RRN3: variants seen among roughly 807,000 people sequenced by gnomAD.
RRN3 encodes RNA polymerase I-specific transcription initiation factor RRN3.
Under a neutral mutation model 82.3 loss-of-function variants are expected in RRN3, and 38 were observed. That is an observed-to-expected ratio of 0.46 (90% CI 0.36 to 0.61). The LOEUF (loss-of-function observed/expected upper bound fraction) is 0.61. RRN3 is among the 20% of genes least tolerant of loss of function. RRN3 has a pLI of 0.00. For missense variants in RRN3, 726 were observed against 793.1 expected (o/e 0.92, Z 1.02); for synonymous variants, 284 against 284.3 (o/e 1.00, Z 0.01).
At chr16:15,088,820 G>A (rs1382952405) in intron 3 of RRN3, among the ~76,000 whole-genome samples, 3 of 152,094 alleles carry the variant, frequency 2.0e-5, no homozygotes, top group East Asian at 3.9e-4. Context: ...GACCATGGGG[G>A]GCCTTGTAAA....
At chr16:15,068,670 G>A (rs999766340) in intron 14 of RRN3, among the ~76,000 whole-genome samples, 5 of 152,228 alleles carry the variant, frequency 3.3e-5, no homozygotes, top group African/African-American at 1.2e-4. Flanking sequence ...ATTCTAGCTT[G>A]CATGTCTTGT....
intron 16 of RRN3, among the ~76,000 whole-genome samples, chr16:15,064,861 G>A (rs1260365400): frequency 2.0e-5 from 3 of 152,174 alleles, no homozygotes; most frequent in African/African-American, 4.8e-5. Context: ...AAGCAAACAT[G>A]TATCACGTTT....
At chr16:15,062,407 A>G (rs1345591623) in intron 17 of RRN3, among the ~76,000 whole-genome samples, 1 of 152,186 alleles carries the variant, frequency 6.6e-6, no homozygotes, top group African/African-American at 2.4e-5. Flanking sequence ...GGGCTTTCCA[A>G]TGATTACTTA....
At chr16:15,077,565 G>C (rs2045513924) in intron 9 of RRN3, among the ~76,000 whole-genome samples, 1 of 152,156 alleles carries the variant, frequency 6.6e-6, no homozygotes, top group African/African-American at 2.4e-5. Context: ...TTTTTGGCCA[G>C]GTGCAGTGGC....
chr16:15,093,345 T>C (rs1490609056), intron 1 of RRN3, among the ~76,000 whole-genome samples: 3 of 152,190 alleles, frequency 2.0e-5, no homozygotes, highest in African/African-American at 7.2e-5. Flanking sequence ...AAATGACAGA[T>C]GTCTTCCCAA....
At chr16:15,064,948 C>T (rs1222780921) in intron 16 of RRN3, among the ~76,000 whole-genome samples, 17 of 152,034 alleles carry the variant, frequency 1.1e-4, no homozygotes, top group African/African-American at 2.7e-4. Flanking sequence ...GGGCGGATCA[C>T]GAGGTCAGGA....
intron 2 of RRN3, among the ~76,000 whole-genome samples, chr16:15,091,673 C>G (rs1048523027): frequency 2.0e-5 from 3 of 152,160 alleles, no homozygotes; most frequent in African/African-American, 7.2e-5. Flanking sequence ...AAACAGCCAG[C>G]TATAATGATC....
At chr16:15,068,734 T>C (rs1476211824) in intron 14 of RRN3, among the ~76,000 whole-genome samples, 2 of 152,210 alleles carry the variant, frequency 1.3e-5, no homozygotes. Flanking sequence ...TAGTTTTTTT[T>C]CTAAACAAGA....
At chr16:15,093,150 A>C (rs566019092) in intron 1 of RRN3, among the ~76,000 whole-genome samples, 1 of 152,126 alleles carries the variant, frequency 6.6e-6, no homozygotes, top group Non-Finnish European at 1.5e-5. Context: ...GATTACAGGC[A>C]CCTGCCACCA....
chr16:15,063,144 C>G, intron 17 of RRN3, 52 bp downstream of exon 17: 1 of 1,328,228 alleles, frequency 7.5e-7, no homozygotes, highest in Non-Finnish European at 1.1e-6. Context: ...TCACTGTGAC[C>G]TGGAACCAGA....
rs2045920589 is a variant in RRN3, at chr16:15,086,472, G to A, written c.253-18C>T. Reference sequence around the variant, plus strand: ...TGGTCATCCTTAAGTTAAACAAAGAGTACTTTCAAAATCACAAATCCTCTA... The same window carrying A: ...TGGTCATCCTTAAGTTAAACAAAGAATACTTTCAAAATCACAAATCCTCTA... On this transcript the variant is annotated intron_variant, in intron 3 of 17. Transcript: ENST00000198767. 1.2e-6 allele frequency: 2 copies of A among 1,609,314 alleles called. No homozygotes were observed. The highest frequency in any genetic ancestry group is 2.7e-5 in the African/African-American group (2 of 74,578).
At position 15,061,041 on chromosome 16, in the gene RRN3, T is replaced by C. The variant is rs3751877; in HGVS notation, c.*703A>G. The C allele has an allele frequency of 0.1, 15,729 of 152,276 alleles. 1,090 individuals are homozygous for C. Among genetic ancestry groups the C allele is most frequent in the Admixed American group, 0.21 (3,195 of 15,294 alleles). The allele number at this position is 152,276 out of a possible 1,614,324, so 9.4% of individuals were successfully genotyped here. A position where few individuals can be genotyped will look rare whatever the true frequency, so the allele number is the denominator to read the frequency against. On this transcript the variant is annotated 3_prime_UTR_variant, in exon 18 of 18. Coordinates refer to ENST00000198767, the MANE Select transcript of RRN3 (RefSeq NM_018427.5). Reference sequence around the variant, plus strand: ...CATTTTTGTCTTTTAAATCCATTTTTTCGCTGTGCCAAGTATATTACACAT... The same window carrying C: ...CATTTTTGTCTTTTAAATCCATTTTCTCGCTGTGCCAAGTATATTACACAT...
chr16:15,062,835 T>C (rs1397692137), intron 17 of RRN3, among the ~76,000 whole-genome samples: 3 of 152,216 alleles, frequency 2.0e-5, no homozygotes, highest in African/African-American at 7.2e-5. Context: ...TGGAATTTTA[T>C]AAAGGCAGAA....
At chr16:15,074,110 T>C (rs1167009301) in intron 11 of RRN3, among the ~76,000 whole-genome samples, 1 of 152,208 alleles carries the variant, frequency 6.6e-6, no homozygotes, top group African/African-American at 2.4e-5. Context: ...GCCATTTAAA[T>C]TGTTTTTATC....
In RRN3 at chr16:15,084,142, G is replaced by C. The variant is rs2045819188; in HGVS notation, c.596+500C>G. On this transcript the variant is annotated intron_variant, in intron 7 of 17. Coordinates refer to ENST00000198767, the MANE Select transcript of RRN3 (RefSeq NM_018427.5). ...GCTTCTCTCCCACAGAAACATAACA[G>C]CACTTTTGCTGACATTTCCCACTAC... 2.0e-5 allele frequency among the ~76,000 whole-genome samples: 3 copies of C among 152,164 alleles called. No individual in the cohort carries two copies. The South Asian group carries it at 6.2e-4, about 32-fold the overall frequency.
At chr16:15,085,270 G>C (rs995197595) in intron 6 of RRN3, among the ~76,000 whole-genome samples, 1 of 151,964 alleles carries the variant, frequency 6.6e-6, no homozygotes, top group African/African-American at 2.4e-5. Flanking sequence ...TACATCAAAG[G>C]TTGTCATTTG....
chr16:15,070,915 C>T (rs2045196055), intron 13 of RRN3, among the ~76,000 whole-genome samples: 1 of 152,032 alleles, frequency 6.6e-6, no homozygotes, highest in Non-Finnish European at 1.5e-5. Flanking sequence ...ATGACAAAAG[C>T]CTTACATACA....
chr16:15,094,166 T>G lies in RRN3; in HGVS notation c.68A>C (p.Lys23Thr), dbSNP rs771302500. ...DAAASSSAVK[K>T]LGASRTGISN... Reference sequence around the variant, plus strand: ...TTACCCAGTCCTCGACGCGCCCAGCTTCTTAACTGCAGAGGACGAAGCGGC... The same window carrying G: ...TTACCCAGTCCTCGACGCGCCCAGCGTCTTAACTGCAGAGGACGAAGCGGC... Residue 23 changes from lysine to threonine, a missense_variant, in exon 1 of 18, where the codon AAG becomes ACG. Around this residue, in one of 4 missense-constraint regions of RRN3, gnomAD observed 135 missense variants for 87.4 expected, o/e 1.55. Coordinates refer to ENST00000198767, the MANE Select transcript of RRN3 (RefSeq NM_018427.5). 5.0e-6 allele frequency: 8 copies of G among 1,602,022 alleles called. No individual in the cohort carries two copies. In the Admixed American group the frequency reaches 1.0e-4, roughly 21 times the overall value.
In RRN3 at chr16:15,074,877, G is replaced by C; in HGVS notation, c.859-16C>G. 6.3e-7 allele frequency: 1 copy of C among 1,597,334 alleles called. No homozygotes were observed. Among genetic ancestry groups the C allele is most frequent in the Non-Finnish European group, 8.5e-7 (1 of 1,171,936 alleles). On this transcript the variant is annotated splice_polypyrimidine_tract_variant and intron_variant, in intron 10 of 17. Transcript: ENST00000198767. ...CATCTTCATCCTTTGAAGACAAAAA[G>C]TAAATACTAACATTAAAAAATTCAA...
Sources: gnomAD v4.1 joint callset for allele counts (sites outside exome capture counted in the v4.1 genomes callset) on GRCh38, gnomAD v4.1.1 for gene constraint, gnomAD v4.1.1 regional missense constraint, MANE v1.5 for transcripts, NCBI Gene and HGNC (gene_info 2026-07-23, HGNC 2026-07-21) for gene names.